Variants in SH3D21 observed in about 807,000 individuals in gnomAD.
The protein encoded by SH3D21 is SH3 domain-containing protein 21.
In SH3D21, 83 loss-of-function variants were observed where a neutral mutation model predicts 82.1. That is an observed-to-expected ratio of 1.01 (90% CI 0.85 to 1.21). The LOEUF (loss-of-function observed/expected upper bound fraction) is 1.21, where lower values mean the gene tolerates loss of function less well. SH3D21 is among the 50% of genes most tolerant of loss of function. The pLI, the probability that SH3D21 is intolerant of heterozygous loss-of-function variation, is 0.00. For missense variants in SH3D21, 980 were observed against 962.1 expected (o/e 1.02, Z -0.25); for synonymous variants, 383 against 387.8 (o/e 0.99, Z 0.15).
At chr1:36,316,265 C>T (rs1317103347) in intron 10 of SH3D21, among the ~76,000 whole-genome samples, 2 of 152,198 alleles carry the variant, frequency 1.3e-5, no homozygotes, top group African/African-American at 2.4e-5. Flanking sequence ...GATGAAGTCT[C>T]GCTCTGTCGC....
Position 36,321,336 on chromosome 1 carries a change from C to T in SH3D21, c.*209C>T. ...GGCACATCTGGCCAACATGTGGCTC[C>T]CATTACCGTTCCCAAGGCCTGCGCG... is the stretch of plus-strand genomic sequence containing the variant. On this transcript the variant is annotated 3_prime_UTR_variant, in exon 16 of 16. Coordinates refer to ENST00000453908, the MANE Select transcript of SH3D21 (RefSeq NM_001162530.2). The surrounding 1 kb of genome is among the most constrained non-coding windows in gnomAD (Gnocchi z 6.1). 7.0e-7 allele frequency: 1 copy of T among 1,425,280 alleles called. No homozygotes were observed. Among genetic ancestry groups the T allele is most frequent in the Non-Finnish European group, 9.1e-7 (1 of 1,093,628 alleles). 88.3% of individuals were successfully genotyped at this position (1,425,280 alleles called of 1,614,324 possible).
chr1:36,322,306 G>A (rs755090520), downstream of SH3D21: 38 of 1,538,904 alleles, frequency 2.5e-5, no homozygotes, highest in Admixed American at 1.2e-4. Flanking sequence ...CAGTAATAGT[G>A]CATGCGGCCC....
At chr1:36,312,563 T>G (rs975649857) in intron 10 of SH3D21, among the ~76,000 whole-genome samples, 3 of 152,194 alleles carry the variant, frequency 2.0e-5, no homozygotes, top group Non-Finnish European at 4.4e-5. Context: ...GAATAATAAT[T>G]TTTGTGTCAT....
In SH3D21 at chr1:36,319,715, AGAG is replaced by A; in HGVS notation, c.1053_1055del (p.Arg352del). 1 of 1,595,744 alleles carries A rather than the reference AGAG, an allele frequency of 6.3e-7. No individual in the cohort carries two copies. On this transcript the variant is annotated inframe_deletion, in exon 14 of 16. Coordinates refer to ENST00000453908, the MANE Select transcript of SH3D21 (RefSeq NM_001162530.2). ...AGCCCGGTAAAGGCCCCCTCTGTGA[AGAG>A]AACCCCCATGCCGGACAAGACTGCC...
chr1:36,327,571 T>C (rs1309397488), downstream of SH3D21: 7 of 903,054 alleles, frequency 7.8e-6, no homozygotes, highest in Admixed American at 2.7e-4. Context: ...GGCAAAAGTA[T>C]GTTTGTGTCT....
chr1:36,318,661 A>C (rs1259876855), intron 10 of SH3D21, among the ~76,000 whole-genome samples: 1 of 151,946 alleles, frequency 6.6e-6, no homozygotes, highest in Non-Finnish European at 1.5e-5. Flanking sequence ...TAATCCCAGC[A>C]CTTTGGGAGG....
At position 36,306,816 on chromosome 1, in the gene SH3D21, C is replaced by T. The variant is rs1187008367; in HGVS notation, c.163-26C>T. The T allele has an allele frequency of 9.3e-6, 12 of 1,294,090 alleles. No individual in the cohort carries two copies. Among genetic ancestry groups the T allele is most frequent in the Non-Finnish European group, 1.2e-5 (12 of 988,644 alleles). The allele number at this position is 1,294,090 out of a possible 1,614,324, so 80.2% of individuals were successfully genotyped here. ...GCGCGCGCCCCCCGGGAGCTGAGAG[C>T]GCCTTCCCCGTGCCCTGATTCCCAG... On this transcript the variant is annotated intron_variant, in intron 2 of 15. Transcript: ENST00000453908. The surrounding 1 kb of genome is among the most constrained non-coding windows in gnomAD (Gnocchi z 4.5).
intron 10 of SH3D21, among the ~76,000 whole-genome samples, chr1:36,312,236 G>A (rs1646255691): frequency 1.3e-5 from 2 of 151,188 alleles, no homozygotes; most frequent in South Asian, 4.2e-4. Flanking sequence ...TGTTAGCCAG[G>A]ATGGTCTTGA....
chr1:36,307,721 A>G lies in SH3D21; in HGVS notation c.437-49A>G, dbSNP rs1646157627. ...GTGACCCCTCTGACCCTCTCCCATGACCTAACCTGTGAATTAGCACCCTCC... is the reference window on the plus strand; with the variant it reads ...GTGACCCCTCTGACCCTCTCCCATGGCCTAACCTGTGAATTAGCACCCTCC... On this transcript the variant is annotated intron_variant, in intron 5 of 15. Coordinates refer to ENST00000453908, the MANE Select transcript of SH3D21 (RefSeq NM_001162530.2). This position sits in a 1 kb window ranked among gnomAD's most constrained non-coding sequence, Gnocchi z 5.4. The G allele has an allele frequency of 1.3e-6, 2 of 1,545,952 alleles. No homozygotes were observed. Among genetic ancestry groups the G allele is most frequent in the Non-Finnish European group, 1.7e-6 (2 of 1,143,416 alleles).
At chr1:36,327,926 G>C, downstream of SH3D21, 1 of 1,251,512 alleles carries the variant, frequency 8.0e-7, no homozygotes, top group African/African-American at 1.5e-5. Flanking sequence ...CTGTCCGTGG[G>C]TCAGCCCAGC....
downstream of SH3D21, chr1:36,322,775 T>G (rs766889776): frequency 2.1e-5 from 32 of 1,525,126 alleles, no homozygotes; most frequent in South Asian, 3.6e-4. Flanking sequence ...GGGTGGGGGT[T>G]GTCCCACTTC....
downstream of SH3D21, chr1:36,322,375 G>A: frequency 6.3e-7 from 1 of 1,592,244 alleles, no homozygotes; most frequent in Non-Finnish European, 8.5e-7. Context: ...AGGTCCGGCT[G>A]CCCGGTGCGC....
chr1:36,328,222 G>A (rs368604409), downstream of SH3D21: 4 of 436,922 alleles, frequency 9.2e-6, no homozygotes, highest in Non-Finnish European at 1.9e-5. Context: ...CTATGGGAGG[G>A]GACTTGTGAG....
intron 9 of SH3D21, among the ~76,000 whole-genome samples, chr1:36,309,194 A>ATT (rs762272484): frequency 4.2e-5 from 6 of 141,536 alleles, no homozygotes; most frequent in Non-Finnish European, 3.1e-5. Flanking sequence ...AGCATTTTAG[A>ATT]TTTTTTTTTT....
chr1:36,320,136 TGAA>T lies in SH3D21; in HGVS notation c.1479_1481del (p.Glu494del), dbSNP rs1646421016. On this transcript the variant is annotated inframe_deletion, in exon 14 of 16. Transcript: ENST00000453908. Reference sequence around the variant, plus strand: ...AAAAGGTCTTGACCCCAGAGCTTTCTGAAGAAGAGGTGTCCACCAGAGATGACA... The same window carrying T: ...AAAAGGTCTTGACCCCAGAGCTTTCTGAAGAGGTGTCCACCAGAGATGACA... 1.9e-6 allele frequency: 3 copies of T among 1,613,954 alleles called. No individual in the cohort carries two copies. The highest frequency in any genetic ancestry group is 1.3e-5 in the African/African-American group (1 of 75,038).
At chr1:36,313,645 C>T (rs964660968) in intron 10 of SH3D21, among the ~76,000 whole-genome samples, 8 of 151,944 alleles carry the variant, frequency 5.3e-5, no homozygotes, top group African/African-American at 1.7e-4. Context: ...AATGGGAGCT[C>T]ACAGCAGCCT....
Position 36,309,568 on chromosome 1 carries a change from G to C in SH3D21, c.747G>C (p.Arg249=). The change falls in exon 10 of 16, where the codon CGG becomes CGC. Residue 249 remains arginine (R), a synonymous_variant. Coordinates refer to ENST00000453908, the MANE Select transcript of SH3D21 (RefSeq NM_001162530.2). Reference sequence around the variant, plus strand: ...CATAGATCAAGAAGCTGGTCCCACGGAAAGTGGTATCTCGGGAATCAGGTG... The same window carrying C: ...CATAGATCAAGAAGCTGGTCCCACGCAAAGTGGTATCTCGGGAATCAGGTG... The part of the protein sequence containing the change: ...PPPPIKKLVP[R]KVVSRESAPI... 1.3e-6 allele frequency: 2 copies of C among 1,551,698 alleles called. No individual in the cohort carries two copies. The highest frequency in any genetic ancestry group is 8.7e-7 in the Non-Finnish European group (1 of 1,146,966).
intron 10 of SH3D21, among the ~76,000 whole-genome samples, chr1:36,311,996 A>C (rs1646249568): frequency 6.6e-6 from 1 of 151,470 alleles, no homozygotes; most frequent in Non-Finnish European, 1.5e-5. Context: ...TGCCTGGCTT[A>C]GTTTTATACA....
chr1:36,319,273 C>T lies in SH3D21; in HGVS notation c.877C>T (p.Pro293Ser). 6.4e-7 allele frequency: 1 copy of T among 1,551,622 alleles called. No homozygotes were observed. Among genetic ancestry groups the T allele is most frequent in the Non-Finnish European group, 8.7e-7 (1 of 1,146,982 alleles). The change falls in exon 12 of 16, where the codon CCC becomes TCC. Residue 293 changes from proline to serine, a missense_variant. Transcript: ENST00000453908. The stretch of plus-strand genomic sequence containing the variant: ...GATATGTTCCAGGACATCTCGGACA[C>T]CCAGCAGGGACAGTCAGAAGCTCAC... Reference protein sequence around the residue: ...GPSKAKTSRTPSRDSQKLTSR... With the variant: ...GPSKAKTSRTSSRDSQKLTSR...
Sources: gnomAD v4.1 joint callset for allele counts (sites outside exome capture counted in the v4.1 genomes callset) on GRCh38, gnomAD v4.1.1 for gene constraint, Gnocchi (gnomAD v3.1) non-coding constraint, MANE v1.5 for transcripts, NCBI Gene and HGNC (gene_info 2026-07-23, HGNC 2026-07-21) for gene names.